The following CDADC1 variants were observed in gnomAD, a reference collection of about 807,000 sequenced individuals.
CDADC1 encodes dCTP deaminase.
CDADC1 carries 39 observed loss-of-function variants against 54.9 expected under a neutral mutation model. The ratio of observed to expected loss-of-function variants is 0.71; its 90% CI spans 0.55 to 0.93. The LOEUF is 0.93. Among genes scored for constraint, CDADC1 ranks in the 40% least tolerant of loss-of-function variants. CDADC1 has a pLI of 0.00. For synonymous variants in CDADC1, 186 were observed against 204.0 expected (o/e 0.91, Z 0.75); for missense variants, 518 against 618.8 (o/e 0.84, Z 1.73).
intron 4 of CDADC1, among the ~76,000 whole-genome samples, chr13:49,262,783 C>T (rs1952717809): frequency 1.3e-5 from 2 of 152,122 alleles, no homozygotes; most frequent in Admixed American, 6.5e-5. Context: ...CCACCTCAGC[C>T]TCCGAAAGTG....
intron 5 of CDADC1, 23 bp from the exon 6 acceptor site, chr13:49,274,268 G>A (rs772322421): frequency 1.3e-6 from 2 of 1,583,544 alleles, no homozygotes; most frequent in East Asian, 4.5e-5. Flanking sequence ...TTTTTACTGA[G>A]TTAAATGCCA....
rs891124941 is a variant in CDADC1 at position 49,266,812 on chromosome 13, G to T, written c.431-678G>T. On this transcript the variant is annotated intron_variant, in intron 4 of 9. Coordinates refer to ENST00000251108, the MANE Select transcript of CDADC1 (RefSeq NM_030911.4). ...ATTTTCCTAGAATGGATTCTCAGAAGAATTCTCAGTCTGTGGAGAGGAACA... is the reference window on the plus strand; with the variant it reads ...ATTTTCCTAGAATGGATTCTCAGAATAATTCTCAGTCTGTGGAGAGGAACA... Among the ~76,000 whole-genome samples, 6 of 152,300 alleles carry T rather than the reference G, an allele frequency of 3.9e-5. No homozygotes were observed. The East Asian group carries it at 1.2e-3, about 29-fold the overall frequency.
intron 4 of CDADC1, among the ~76,000 whole-genome samples, chr13:49,265,657 AT>A (rs1426118934): frequency 1.3e-5 from 2 of 152,046 alleles, no homozygotes; most frequent in Non-Finnish European, 2.9e-5. Context: ...GATTATTGTT[AT>A]TTTTAATGAA....
chr13:49,280,606 CA>C lies in CDADC1; in HGVS notation c.1321del (p.Ile441SerfsTer6). On this transcript the variant is annotated frameshift_variant, in exon 8 of 10. Coordinates refer to ENST00000251108, the MANE Select transcript of CDADC1 (RefSeq NM_030911.4). LOFTEE classifies it high-confidence loss of function. ...VPLIKGAGIK[Q>X]IYAGDVDVGK... ...TTTAATTAAAGGTGCAGGCATAAAA[CA>C]AATCTATGCAGGAGATGTAGATGTT... 5 of 1,599,732 alleles carry C rather than the reference CA, an allele frequency of 3.1e-6. No homozygotes were observed. Among genetic ancestry groups the C allele is most frequent in the Non-Finnish European group, 4.3e-6 (5 of 1,173,102 alleles).
chr13:49,290,717 C>A (rs1953680720), intron 9 of CDADC1, among the ~76,000 whole-genome samples: 1 of 152,152 alleles, frequency 6.6e-6, no homozygotes, highest in South Asian at 2.1e-4. Context: ...AGCAAAATGG[C>A]TCCTTCCTGT....
chr13:49,253,716 G>T (rs1283564057), intron 2 of CDADC1, among the ~76,000 whole-genome samples: 1 of 152,088 alleles, frequency 6.6e-6, no homozygotes, highest in African/African-American at 2.4e-5. Context: ...ATTTGTTTAT[G>T]TATTTATTTT....
At chr13:49,281,940 A>G (rs1953352182) in intron 8 of CDADC1, among the ~76,000 whole-genome samples, 1 of 7,726 alleles carries the variant, frequency 1.3e-4, no homozygotes, top group Non-Finnish European at 2.7e-4. Flanking sequence ...CCCACCCCCC[A>G]GTATCTGGGA....
At chr13:49,248,347 G>A (rs1952344650) in intron 1 of CDADC1, 1 of 524,734 alleles carries the variant, frequency 1.9e-6, no homozygotes, top group African/African-American at 1.9e-5. Flanking sequence ...ACTTCTCACA[G>A]GACCTAGAGC....
intron 8 of CDADC1, among the ~76,000 whole-genome samples, chr13:49,285,561 C>T (rs867316748): frequency 1.3e-5 from 2 of 152,098 alleles, no homozygotes; most frequent in Non-Finnish European, 1.5e-5. Flanking sequence ...GAATACAATG[C>T]GATGTTAATT....
intron 4 of CDADC1, among the ~76,000 whole-genome samples, chr13:49,263,141 G>A (rs1379203519): frequency 2.0e-5 from 3 of 152,160 alleles, no homozygotes; most frequent in Non-Finnish European, 2.9e-5. Context: ...ATCATGAACT[G>A]ACAATGGTTA....
chr13:49,248,184 T>C, intron 1 of CDADC1, 65 bp downstream of exon 1: 2 of 1,359,386 alleles, frequency 1.5e-6, no homozygotes, highest in Admixed American at 2.0e-5. Context: ...TCTCCCGTCA[T>C]TGAACTCCAG....
intron 2 of CDADC1, among the ~76,000 whole-genome samples, chr13:49,251,322 C>T (rs1952425856): frequency 6.6e-6 from 1 of 150,808 alleles, no homozygotes; most frequent in South Asian, 2.1e-4. Context: ...GCAGGAGAAA[C>T]ACTTGAACCC....
rs754457032 is a variant in CDADC1 at position 49,280,698 on chromosome 13, G to A, written c.1410G>A (p.Thr470=). The A allele has an allele frequency of 6.4e-6, 10 of 1,563,930 alleles. No homozygotes were observed. The highest frequency in any genetic ancestry group is 4.1e-5 in the African/African-American group (3 of 72,918). The part of the protein sequence containing the change: ...FGELEGVSKF[T]WQLNPSGAYG... ...AGCTTGAAGGTGTTAGCAAATTTAC[G>A]GTAAGTAGATACACATTTTTTTCAG... is the stretch of plus-strand genomic sequence containing the variant. The change falls in exon 8 of 10, where the codon ACG becomes ACA. Residue 470 remains threonine (T), a splice_region_variant and synonymous_variant. Transcript: ENST00000251108.
At chr13:49,259,309 TATAACTA>T in intron 3 of CDADC1, 30 bp from the exon 4 acceptor site, 1 of 1,389,028 alleles carries the variant, frequency 7.2e-7, no homozygotes, top group South Asian at 1.3e-5. Flanking sequence ...TATTAGGTGT[TATAACTA>T]ATAAGTTGTT....
chr13:49,277,659 C>T (rs1010116575), intron 6 of CDADC1, among the ~76,000 whole-genome samples: 3 of 152,044 alleles, frequency 2.0e-5, no homozygotes, highest in African/African-American at 7.2e-5. Flanking sequence ...AACTATTACA[C>T]ACACATTACT....
At chr13:49,251,515 G>GT (rs1049671298) in intron 2 of CDADC1, among the ~76,000 whole-genome samples, 6 of 151,076 alleles carry the variant, frequency 4.0e-5, no homozygotes, top group Non-Finnish European at 8.8e-5. Flanking sequence ...TTTTAGTTCT[G>GT]TTTTTTTATA....
chr13:49,258,207 G>A (rs563739863), intron 3 of CDADC1, among the ~76,000 whole-genome samples: 2 of 152,214 alleles, frequency 1.3e-5, no homozygotes, highest in South Asian at 2.1e-4. Flanking sequence ...AGTTAATATC[G>A]CTTTGGTCTG....
intron 4 of CDADC1, among the ~76,000 whole-genome samples, chr13:49,264,152 G>A (rs1267107081): frequency 6.6e-6 from 1 of 152,214 alleles, no homozygotes; most frequent in Non-Finnish European, 1.5e-5. Flanking sequence ...GCTTGTAACA[G>A]TTTTGTCCTT....
Position 49,268,013 on chromosome 13 carries a change from T to G in CDADC1, c.954T>G (p.Ile318Met). ...EIHNQSLPQE[I>M]ARHCMVQARL... is the part of the protein sequence containing the mutation. ...ACAATCAAAGTTTGCCACAGGAAAT[T>G]GCAAGGCACTGCATGGTTCAGGCCA... is the stretch of plus-strand genomic sequence containing the variant. Residue 318 changes from isoleucine (I) to methionine (M), a missense_variant, in exon 5 of 10, where the codon ATT becomes ATG. Coordinates refer to ENST00000251108, the MANE Select transcript of CDADC1 (RefSeq NM_030911.4). 1.2e-6 allele frequency: 2 copies of G among 1,613,758 alleles called. No individual in the cohort carries two copies. The highest frequency in any genetic ancestry group is 1.3e-5 in the African/African-American group (1 of 75,056).
Sources: allele counts gnomAD v4.1 joint callset (sites outside exome capture counted in the v4.1 genomes callset), GRCh38; gene constraint gnomAD v4.1.1; transcripts MANE v1.5; gene names NCBI Gene and HGNC (gene_info 2026-07-23, HGNC 2026-07-21).